Variants in JMJD1C observed in about 807,000 individuals in gnomAD.
JMJD1C encodes jumonji domain-containing protein 1C.
In JMJD1C, 31 loss-of-function variants were observed where a neutral mutation model predicts 245.3. That is an observed-to-expected ratio of 0.13 (90% CI 0.09 to 0.17). JMJD1C has a LOEUF of 0.17. Among genes scored for constraint, JMJD1C ranks in the 10% least tolerant of loss-of-function variants. The pLI is 1.00. For missense variants in JMJD1C, 2,691 were observed against 3,000.2 expected (o/e 0.90, Z 2.41); for synonymous variants, 1,057 against 1,017.4 (o/e 1.04, Z -0.74).
At chr10:63,168,232 A>C in intron 25 of JMJD1C, 98 bp from the exon 26 acceptor site, 1 of 1,070,364 alleles carries the variant, frequency 9.3e-7, no homozygotes, top group South Asian at 1.4e-5. Flanking sequence ...GGAACTAGGA[A>C]AGCCAAATAT....
chr10:63,296,481 A>G (rs1253656611), intron 2 of JMJD1C, among the ~76,000 whole-genome samples: 1 of 152,210 alleles, frequency 6.6e-6, no homozygotes, highest in Non-Finnish European at 1.5e-5. Flanking sequence ...TATTTTAAAC[A>G]GCAAAATCAC....
At chr10:63,499,998 A>T (rs1954491747) in intron 1 of JMJD1C, among the ~76,000 whole-genome samples, 1 of 152,214 alleles carries the variant, frequency 6.6e-6, no homozygotes, top group Admixed American at 6.5e-5. Context: ...ACCTAAACAT[A>T]TTCATATTAG....
Position 63,515,618 on chromosome 10 carries a change from G to A in JMJD1C, n.113+6120C>T, listed in dbSNP as rs1409204874. Among the ~76,000 whole-genome samples the A allele has an allele frequency of 2.6e-5, 4 of 152,160 alleles. No individual in the cohort carries two copies. In the East Asian group the frequency reaches 7.7e-4, roughly 29 times the overall value. Reference sequence around the variant, plus strand: ...TAGTTGTGATTCTCTGTATCCAGCTGTCTGTCTCTCCAGTTTTGGAGGATG... The same window carrying A: ...TAGTTGTGATTCTCTGTATCCAGCTATCTGTCTCTCCAGTTTTGGAGGATG... On this transcript the variant is annotated intron_variant and non_coding_transcript_variant, in intron 1 of 3. Coordinates refer to the JMJD1C transcript ENST00000633035.
Position 63,208,101 on chromosome 10 carries a change from T to A in JMJD1C, c.3568A>T (p.Thr1190Ser). 6.2e-7 allele frequency: 1 copy of A among 1,614,158 alleles called. No individual in the cohort carries two copies. Among genetic ancestry groups the A allele is most frequent in the South Asian group, 1.1e-5 (1 of 91,090 alleles). Residue 1190 changes from threonine (T) to serine (S), a missense_variant, in exon 10 of 26, where the codon ACA (threonine) becomes TCA (serine). This residue lies in a region of JMJD1C where 1,562 missense variants were observed against 1,490.7 expected (regional missense o/e 1.05). Transcript: ENST00000399262. ...RNDCRSPTHLTVSSTNTLRSM... is the reference protein window; with the variant it reads ...RNDCRSPTHLSVSSTNTLRSM... The stretch of plus-strand genomic sequence containing the variant: ...CGGAGTGTATTTGTAGAAGAAACTG[T>A]CAAATGGGTAGGACTCCTACAATCA...
intron 2 of JMJD1C, among the ~76,000 whole-genome samples, chr10:63,370,269 T>A (rs1052640430): frequency 3.3e-5 from 5 of 152,200 alleles, no homozygotes; most frequent in African/African-American, 9.7e-5. Flanking sequence ...ACCCTGTGGA[T>A]GGTTTTGGGA....
chr10:63,464,032 G>A (rs1952995797), intron 1 of JMJD1C, among the ~76,000 whole-genome samples: 1 of 151,784 alleles, frequency 6.6e-6, no homozygotes, highest in African/African-American at 2.4e-5. Context: ...ATGTTGCCCA[G>A]GCTGGACTCT....
At chr10:63,405,455 G>A (rs980945356) in intron 1 of JMJD1C, among the ~76,000 whole-genome samples, 2 of 151,614 alleles carry the variant, frequency 1.3e-5, no homozygotes, top group African/African-American at 4.8e-5. Flanking sequence ...CAAGTAGCTG[G>A]GATTACAGGT....
chr10:63,314,089 T>C (rs779039293), intron 2 of JMJD1C, among the ~76,000 whole-genome samples: 11 of 152,366 alleles, frequency 7.2e-5, no homozygotes, highest in Non-Finnish European at 1.2e-4. Flanking sequence ...TTTGAGTTGA[T>C]TTTTGTATAA....
intron 2 of JMJD1C, among the ~76,000 whole-genome samples, chr10:63,292,144 A>AGTTTTTTTTTTTTTTTTTTTTTTTTT (rs1858835101): frequency 1.8e-5 from 1 of 56,326 alleles, no homozygotes; most frequent in Non-Finnish European, 3.2e-5. Flanking sequence ...GTAGAGACAG[A>AGTTTTTTTTTTTTTTTTTTTTTTTTT]TTTTTTTTTT....
chr10:63,250,668 C>T (rs1354579564), intron 3 of JMJD1C, among the ~76,000 whole-genome samples: 2 of 152,096 alleles, frequency 1.3e-5, no homozygotes, highest in Non-Finnish European at 2.9e-5. Flanking sequence ...CCTTGAAAAA[C>T]GATATGGATG....
intron 1 of JMJD1C, among the ~76,000 whole-genome samples, chr10:63,462,360 CTTACT>C: frequency 6.6e-6 from 1 of 152,080 alleles, no homozygotes; most frequent in East Asian, 1.9e-4. Flanking sequence ...AAATTTTAAT[CTTACT>C]TTATTTGTAT....
chr10:63,214,941 A>G lies in JMJD1C; in HGVS notation c.1226T>C (p.Ile409Thr). 6.2e-7 allele frequency: 1 copy of G among 1,602,590 alleles called. No homozygotes were observed. Among genetic ancestry groups the G allele is most frequent in the Admixed American group, 1.7e-5 (1 of 58,466 alleles). The change falls in exon 8 of 26, where the codon ATA becomes ACA. Residue 409 changes from isoleucine (I) to threonine (T), a missense_variant. Around this residue, in one of 9 missense-constraint regions of JMJD1C, gnomAD observed 1,562 missense variants for 1,490.7 expected, o/e 1.05. Coordinates refer to ENST00000399262, the MANE Select transcript of JMJD1C (RefSeq NM_032776.3). ...ATGGGGTTTTCCTTCTTCTCCATTTATTTTTGAAGTATTTTTATTTTTCAA... is the reference window on the plus strand; with the variant it reads ...ATGGGGTTTTCCTTCTTCTCCATTTGTTTTTGAAGTATTTTTATTTTTCAA... Reference protein sequence around the residue: ...NELKNKNTSKINGEEGKPHNN... With the variant: ...NELKNKNTSKTNGEEGKPHNN...
rs1256825491 is a variant in JMJD1C at position 63,215,583 on chromosome 10, A to G, written c.792T>C (p.Ser264=). The G allele has an allele frequency of 6.2e-7, 1 of 1,610,684 alleles. No homozygotes were observed. The highest frequency in any genetic ancestry group is 8.5e-7 in the Non-Finnish European group (1 of 1,177,040). The change falls in exon 6 of 26, where the codon TCT becomes TCC. Residue 264 remains serine (S), a synonymous_variant. Transcript: ENST00000399262. ...CAGCGTTGACGTTTTGATTGGCACG[A>G]GACCTGCGTCGTGATGTAATGCCAA... ...ENIGITSRRR[S]RANQNVNAVH...
chr10:63,201,130 G>C (rs1301411464), intron 10 of JMJD1C, among the ~76,000 whole-genome samples: 1 of 152,144 alleles, frequency 6.6e-6, no homozygotes, highest in African/African-American at 2.4e-5. Context: ...CTACAGGTTA[G>C]TTTCAACGTA....
chr10:63,214,324 T>C lies in JMJD1C; in HGVS notation c.1843A>G (p.Lys615Glu), dbSNP rs1305952601. Residue 615 changes from lysine to glutamate, a missense_variant, in exon 8 of 26, where the codon AAG becomes GAG. Physicochemically the swap from Lys to Glu is moderately conservative, Grantham distance 56. Coordinates refer to ENST00000399262, the MANE Select transcript of JMJD1C (RefSeq NM_032776.3). Reference sequence around the variant, plus strand: ...ATAGTCTCTGGAGGTGGACTTCGCTTATGCAGCTTATCTTCCATGACAGAA... The same window carrying C: ...ATAGTCTCTGGAGGTGGACTTCGCTCATGCAGCTTATCTTCCATGACAGAA... ...AVSVMEDKLH[K>E]RSPPPETIKS... 6.2e-7 allele frequency: 1 copy of C among 1,613,890 alleles called. No homozygotes were observed. Among genetic ancestry groups the C allele is most frequent in the African/African-American group, 1.3e-5 (1 of 74,942 alleles).
At chr10:63,378,651 G>A (rs578081631) in intron 2 of JMJD1C, among the ~76,000 whole-genome samples, 13 of 152,198 alleles carry the variant, frequency 8.5e-5, no homozygotes. Flanking sequence ...CTCTGATACT[G>A]ATGTATAGTT....
chr10:63,322,267 C>T (rs1463769872), intron 2 of JMJD1C, among the ~76,000 whole-genome samples: 1 of 152,100 alleles, frequency 6.6e-6, no homozygotes, highest in African/African-American at 2.4e-5. Context: ...CTGAGGATCT[C>T]ACCTAAGGAC....
intron 1 of JMJD1C, among the ~76,000 whole-genome samples, chr10:63,462,725 TA>T (rs1413396978): frequency 1.3e-5 from 2 of 152,162 alleles, no homozygotes; most frequent in Non-Finnish European, 2.9e-5. Flanking sequence ...GGACAGCTTC[TA>T]AAAACTAGAA....
chr10:63,520,927 G>C (rs1315671712), intron 1 of JMJD1C, among the ~76,000 whole-genome samples: 2 of 152,200 alleles, frequency 1.3e-5, no homozygotes. Context: ...CTTTGGTGCT[G>C]GGCCTCCGTA....
Sources: gnomAD v4.1 joint callset for allele counts (sites outside exome capture counted in the v4.1 genomes callset) on GRCh38, gnomAD v4.1.1 for gene constraint, gnomAD v4.1.1 regional missense constraint, MANE v1.5 for transcripts, NCBI Gene and HGNC (gene_info 2026-07-23, HGNC 2026-07-21) for gene names.